Variants in LYPLAL1 observed in about 807,000 individuals in gnomAD.
LYPLAL1 encodes the protein lysophospholipase like 1.
In LYPLAL1, 23 loss-of-function variants were observed where a neutral mutation model predicts 19.7. The ratio of observed to expected loss-of-function variants is 1.17; its 90% CI spans 0.84 to 1.65. The LOEUF (loss-of-function observed/expected upper bound fraction) is 1.65. Among genes scored for constraint, LYPLAL1 ranks in the 40% most tolerant of loss-of-function variants. LYPLAL1 has a pLI of 0.00. For missense variants in LYPLAL1, 355 were observed against 279.4 expected, an observed-to-expected ratio of 1.27 and a Z score of -1.93; for synonymous variants, 119 against 96.3, an observed-to-expected ratio of 1.24 and a Z score of -1.38.
At chr1:219,235,704 T>C in the LYPLAL1 span, among the ~76,000 whole-genome samples, 3 of 152,198 alleles carry the variant, frequency 2.0e-5, no homozygotes, top group Non-Finnish European at 2.9e-5. Context: ...AATTCAAGTA[T>C]AGTCTTGGCA....
chr1:219,230,272 C>A, the LYPLAL1 span, among the ~76,000 whole-genome samples: 1 of 152,164 alleles, frequency 6.6e-6, no homozygotes, highest in Non-Finnish European at 1.5e-5. Flanking sequence ...GCTACCACGC[C>A]CGGCTAATTT....
At chr1:219,343,150 C>G in the LYPLAL1 span, among the ~76,000 whole-genome samples, 1 of 152,108 alleles carries the variant, frequency 6.6e-6, no homozygotes, top group African/African-American at 2.4e-5. Flanking sequence ...TTTCTCCTCC[C>G]CAATCAGCAA....
intron 3 of LYPLAL1, among the ~76,000 whole-genome samples, chr1:219,204,813 A>G (rs1658419856): frequency 1.3e-5 from 2 of 152,150 alleles, no homozygotes; most frequent in Non-Finnish European, 2.9e-5. Context: ...ATTGGCCACT[A>G]GGTGGTGATA....
chr1:219,259,431 G>GTATATATATATATATATA, the LYPLAL1 span, among the ~76,000 whole-genome samples: 1 of 121,384 alleles, frequency 8.2e-6, no homozygotes, highest in African/African-American at 3.2e-5. Flanking sequence ...ATATATATAT[G>GTATATATATATATATATA]TATATATACC....
At chr1:219,191,646 T>C (rs1053892275) in intron 2 of LYPLAL1, among the ~76,000 whole-genome samples, 3 of 151,414 alleles carry the variant, frequency 2.0e-5, no homozygotes, top group Non-Finnish European at 3.0e-5. Context: ...AAGGACAAGA[T>C]GTGTGAGGGA....
the LYPLAL1 span, among the ~76,000 whole-genome samples, chr1:219,406,881 G>A: frequency 6.6e-6 from 1 of 152,212 alleles, no homozygotes; most frequent in Non-Finnish European, 1.5e-5. Flanking sequence ...AGTGGGGAGT[G>A]TGTTCAGCTG....
the LYPLAL1 span, among the ~76,000 whole-genome samples, chr1:219,421,216 G>A: frequency 6.6e-6 from 1 of 152,102 alleles, no homozygotes; most frequent in Non-Finnish European, 1.5e-5. Context: ...AACTAGTTGG[G>A]ACATCTAATC....
the LYPLAL1 span, among the ~76,000 whole-genome samples, chr1:219,425,049 A>G: frequency 9.2e-5 from 14 of 152,290 alleles, 1 homozygote; most frequent in East Asian, 1.2e-3. Context: ...AACAATATAA[A>G]TTTATTTCTC....
At chr1:219,312,737 A>G in the LYPLAL1 span, among the ~76,000 whole-genome samples, 11 of 152,174 alleles carry the variant, frequency 7.2e-5, no homozygotes, top group Non-Finnish European at 1.5e-4. Context: ...CAGTCAAAGC[A>G]TATGACTTCA....
At chr1:219,238,182 G>A in the LYPLAL1 span, among the ~76,000 whole-genome samples, 5 of 136,324 alleles carry the variant, frequency 3.7e-5, no homozygotes, top group South Asian at 7.0e-4. Context: ...GGATCGCCCC[G>A]GCTGGAGTGC....
the LYPLAL1 span, among the ~76,000 whole-genome samples, chr1:219,307,648 C>T: frequency 2.6e-5 from 4 of 151,954 alleles, no homozygotes; most frequent in African/African-American, 9.7e-5. Context: ...GCTCTGTGTC[C>T]CCACCCAAAT....
chr1:219,179,677 G>T (rs566639061), intron 2 of LYPLAL1, among the ~76,000 whole-genome samples: 129 of 152,252 alleles, frequency 8.5e-4, no homozygotes, highest in African/African-American at 2.9e-3. Context: ...CATTTAAAAG[G>T]ATTATCAAGA....
the LYPLAL1 span, among the ~76,000 whole-genome samples, chr1:219,265,140 G>A: frequency 6.6e-6 from 1 of 152,142 alleles, no homozygotes; most frequent in African/African-American, 2.4e-5. Context: ...AATGCCTGGA[G>A]GGCTGACACA....
the LYPLAL1 span, among the ~76,000 whole-genome samples, chr1:219,263,926 G>C: frequency 6.6e-6 from 1 of 152,116 alleles, no homozygotes; most frequent in African/African-American, 2.4e-5. Flanking sequence ...CGCAGGATCT[G>C]TGAACTCTTT....
chr1:219,312,496 A>G, the LYPLAL1 span, among the ~76,000 whole-genome samples: 2 of 152,198 alleles, frequency 1.3e-5, no homozygotes, highest in Non-Finnish European at 2.9e-5. Context: ...GGATACAGGC[A>G]GACCCCTGGG....
chr1:219,363,630 C>A, the LYPLAL1 span, among the ~76,000 whole-genome samples: 1 of 152,116 alleles, frequency 6.6e-6, no homozygotes, highest in South Asian at 2.1e-4. Context: ...AAAACTTATT[C>A]TTCTTCCCAG....
At chr1:219,275,441 C>A in the LYPLAL1 span, among the ~76,000 whole-genome samples, 1 of 152,128 alleles carries the variant, frequency 6.6e-6, no homozygotes, top group African/African-American at 2.4e-5. Flanking sequence ...GAAAGACATT[C>A]ATAATTTTCT....
chr1:219,197,028 G>T (rs891955623), intron 3 of LYPLAL1, among the ~76,000 whole-genome samples: 3 of 152,082 alleles, frequency 2.0e-5, no homozygotes, highest in Admixed American at 1.3e-4. Flanking sequence ...TGGATAGGAA[G>T]AATCAATATC....
chr1:219,355,242 G>A, the LYPLAL1 span, among the ~76,000 whole-genome samples: 13 of 152,224 alleles, frequency 8.5e-5, no homozygotes, highest in African/African-American at 3.1e-4. Flanking sequence ...AGTGGCTACT[G>A]CATTGGACAG....
Sources: gnomAD v4.1 joint callset for allele counts (sites outside exome capture counted in the v4.1 genomes callset) on GRCh38, gnomAD v4.1.1 for gene constraint, MANE v1.5 for transcripts, NCBI Gene and HGNC (gene_info 2026-07-23, HGNC 2026-07-21) for gene names.